The following ORC4 variants were observed in gnomAD, a reference collection of about 807,000 sequenced individuals.
The protein encoded by ORC4 is origin recognition complex, subunit 4 homolog.
A neutral mutation model predicts 63.9 loss-of-function variants in ORC4; 55 were observed. That is an observed-to-expected ratio of 0.86 (90% CI 0.69 to 1.08). The LOEUF is 1.08. Ranked by LOEUF, ORC4 falls within the 50% of genes least tolerant of loss-of-function variation. The pLI is 0.00. For synonymous variants in ORC4, 150 were observed against 168.5 expected (o/e 0.89, Z 0.85); for missense variants, 511 against 504.4 (o/e 1.01, Z -0.13).
intron 1 of ORC4, among the ~76,000 whole-genome samples, chr2:148,004,948 A>G (rs1692532757): frequency 1.3e-5 from 2 of 152,194 alleles, no homozygotes; most frequent in African/African-American, 4.8e-5. Flanking sequence ...ACGCTTTTAC[A>G]CTGTTGGTGG....
At chr2:148,019,654 G>T (rs1044861409) in intron 1 of ORC4, among the ~76,000 whole-genome samples, 2 of 152,070 alleles carry the variant, frequency 1.3e-5, no homozygotes, top group African/African-American at 4.8e-5. Flanking sequence ...TAAATACGAA[G>T]AATTTTAGAT....
intron 1 of ORC4, among the ~76,000 whole-genome samples, chr2:147,983,058 A>C (rs369601317): frequency 6.6e-5 from 10 of 152,228 alleles, no homozygotes; most frequent in African/African-American, 2.4e-4. Context: ...AGGCAGCTAA[A>C]ATAACACAAA....
At chr2:147,939,114 T>C in intron 11 of ORC4, 26 bp downstream of exon 11, 1 of 1,377,784 alleles carries the variant, frequency 7.3e-7, no homozygotes, top group Non-Finnish European at 1.0e-6. Flanking sequence ...AAAACCACAA[T>C]TTAAAAAATA....
rs192021521 is a variant in ORC4 at position 147,996,008 on chromosome 2, A to T, written c.-17-20033T>A. Among the ~76,000 whole-genome samples, 293 of 152,054 alleles carry T rather than the reference A, an allele frequency of 1.9e-3. 1 individual carries two copies. Among genetic ancestry groups the T allele is most frequent in the Middle Eastern group, 0.01 (3 of 294 alleles). ...GAGCAAGACTCCATCTCAAAAAAAA[A>T]AAAAACAAAAAACAGGCCAGGTGCG... On this transcript the variant is annotated intron_variant, in intron 1 of 13. Coordinates refer to ENST00000392857, the MANE Select transcript of ORC4 (RefSeq NM_181741.4).
At chr2:147,970,657 T>A (rs1179404863) in intron 4 of ORC4, among the ~76,000 whole-genome samples, 1 of 151,506 alleles carries the variant, frequency 6.6e-6, no homozygotes, top group African/African-American at 2.4e-5. Context: ...ACACAGACCT[T>A]ACATCTTTCA....
At chr2:147,991,209 G>A (rs1026497031) in intron 1 of ORC4, among the ~76,000 whole-genome samples, 18 of 151,724 alleles carry the variant, frequency 1.2e-4, no homozygotes, top group East Asian at 1.9e-4. Context: ...CACCACGCTC[G>A]GCTAATTTTT....
In ORC4 at chr2:147,973,471, T is replaced by C. The variant is rs757004458; in HGVS notation, c.111A>G (p.Leu37=). The C allele has an allele frequency of 3.2e-5, 51 of 1,606,122 alleles. No individual in the cohort carries two copies. The highest frequency in any genetic ancestry group is 4.3e-5 in the Non-Finnish European group (51 of 1,173,188). ...ACTTGTATTGTACTTGCACTCCAAATAGGTTACTATGTGGACTCTGACGAC... is the reference window on the plus strand; with the variant it reads ...ACTTGTATTGTACTTGCACTCCAAACAGGTTACTATGTGGACTCTGACGAC... ...RFCRQSPHSN[L]FGVQVQYKHL... Residue 37 remains leucine, a synonymous_variant, in exon 3 of 14, where the codon CTA becomes CTG. Coordinates refer to ENST00000392857, the MANE Select transcript of ORC4 (RefSeq NM_181741.4).
intron 1 of ORC4, among the ~76,000 whole-genome samples, chr2:148,012,344 T>C (rs998877912): frequency 1.3e-5 from 2 of 152,174 alleles, no homozygotes; most frequent in African/African-American, 4.8e-5. Context: ...AAAACACTCA[T>C]TGGGAAAGGA....
rs2105236235 is a variant in ORC4 at position 147,931,642 on chromosome 2, C to T, written c.*3868G>A. The T allele has an allele frequency of 6.6e-6, 1 of 152,234 alleles. No homozygotes were observed. The highest frequency in any genetic ancestry group is 1.9e-4 in the East Asian group (1 of 5,178). The allele number at this position is 152,234 out of a possible 1,614,324, so 9.4% of individuals were successfully genotyped here. A position where few individuals can be genotyped will look rare whatever the true frequency, so the allele number is the denominator to read the frequency against. On this transcript the variant is annotated 3_prime_UTR_variant, in exon 14 of 14. Coordinates refer to ENST00000392857, the MANE Select transcript of ORC4 (RefSeq NM_181741.4). ...TGGGCTTCATCCCTGGGATGCAAGG[C>T]TGGTTCAATATACGCAAATCAATGA...
At chr2:147,965,144 A>G (rs1689827886) in intron 4 of ORC4, among the ~76,000 whole-genome samples, 1 of 152,192 alleles carries the variant, frequency 6.6e-6, no homozygotes, top group South Asian at 2.1e-4. Flanking sequence ...TACTGCGGAT[A>G]CATAAAGGAG....
rs773800798 is a variant in ORC4 at position 147,948,268 on chromosome 2, TA to T, written c.589-45del. ...TCTCTATAAGGAAGATGAATGTTTTTAAAAAAACAAAAACACTGTACCAATG... is the reference window on the plus strand; with the variant it reads ...TCTCTATAAGGAAGATGAATGTTTTTAAAAAACAAAAACACTGTACCAATG... On this transcript the variant is annotated intron_variant, in intron 8 of 13. Coordinates refer to ENST00000392857, the MANE Select transcript of ORC4 (RefSeq NM_181741.4). The T allele has an allele frequency of 2.2e-6, 3 of 1,386,584 alleles. No homozygotes were observed. In the East Asian group the frequency reaches 6.9e-5, roughly 32 times the overall value. The allele number at this position is 1,386,584 out of a possible 1,614,324, so 85.9% of individuals were successfully genotyped here.
Position 147,972,937 on chromosome 2 carries a change from C to A in ORC4, c.135-108G>T, listed in dbSNP as rs1255188194. ...AATATGCACAGAAATTTCCTCTCTTCTCTCCCTCTGGGTACTTGGCCTAGC... is the reference window on the plus strand; with the variant it reads ...AATATGCACAGAAATTTCCTCTCTTATCTCCCTCTGGGTACTTGGCCTAGC... On this transcript the variant is annotated intron_variant, in intron 3 of 13. Coordinates refer to ENST00000392857, the MANE Select transcript of ORC4 (RefSeq NM_181741.4). 5 of 721,414 alleles carry A rather than the reference C, an allele frequency of 6.9e-6. No individual in the cohort carries two copies. The African/African-American group carries it at 7.0e-5, about 10-fold the overall frequency. The allele number at this position is 721,414 out of a possible 1,614,324, so 44.7% of individuals were successfully genotyped here.
upstream of ORC4, chr2:148,021,469 C>CTGCTGCTGCTGT (rs1693720469): frequency 1.0e-5 from 6 of 578,294 alleles, no homozygotes; most frequent in African/African-American, 3.8e-5. Context: ...GCTGTTGCTG[C>CTGCTGCTGCTGT]TGCTGCTGCT....
intron 13 of ORC4, chr2:147,937,896 T>C (rs1318438153): frequency 3.7e-6 from 2 of 544,592 alleles, no homozygotes; most frequent in East Asian, 3.3e-5. Context: ...CACACTATAC[T>C]GAATAGTTGT....
chr2:147,987,858 C>T (rs974040839), intron 1 of ORC4, among the ~76,000 whole-genome samples: 2 of 151,910 alleles, frequency 1.3e-5, no homozygotes, highest in Non-Finnish European at 2.9e-5. Flanking sequence ...TCGAGACCAT[C>T]CTGGCTAACA....
chr2:148,014,871 G>A (rs1309214037), intron 1 of ORC4, among the ~76,000 whole-genome samples: 2 of 152,138 alleles, frequency 1.3e-5, no homozygotes, highest in African/African-American at 4.8e-5. Context: ...CCTGTGGATT[G>A]TGGTATCTGC....
chr2:147,942,746 C>CA (rs1169410895), intron 10 of ORC4, among the ~76,000 whole-genome samples: 1 of 147,496 alleles, frequency 6.8e-6, no homozygotes, highest in African/African-American at 2.5e-5. Flanking sequence ...CTAGCCATTG[C>CA]AAAAAAGCAA....
intron 4 of ORC4, among the ~76,000 whole-genome samples, chr2:147,965,654 C>T (rs1481371745): frequency 6.6e-6 from 1 of 152,122 alleles, no homozygotes; most frequent in African/African-American, 2.4e-5. Context: ...CAGCATTGGA[C>T]AGATAATTTA....
In ORC4 at chr2:147,975,779, T is replaced by A. The variant is rs1357655876; in HGVS notation, c.57+123A>T. ...TTAAGGTCTCGTACTGATATCTCCC[T>A]AAGGTTAGAAAGAGTGATTCTTCCT... is the stretch of plus-strand genomic sequence containing the variant. On this transcript the variant is annotated intron_variant, in intron 2 of 13. Transcript: ENST00000392857. The A allele has an allele frequency of 8.2e-6, 6 of 729,320 alleles. No homozygotes were observed. In the East Asian group the frequency reaches 1.0e-4, roughly 12 times the overall value. The allele number at this position is 729,320 out of a possible 1,614,324, so 45.2% of individuals were successfully genotyped here.
Sources: gnomAD v4.1 joint callset for allele counts (sites outside exome capture counted in the v4.1 genomes callset) on GRCh38, gnomAD v4.1.1 for gene constraint, MANE v1.5 for transcripts, NCBI Gene and HGNC (gene_info 2026-07-23, HGNC 2026-07-21) for gene names.